GLRB: variants seen among roughly 807,000 people sequenced by gnomAD.
GLRB encodes glycine receptor beta.
Under a neutral mutation model 54.2 loss-of-function variants are expected in GLRB, and 33 were observed. The ratio of observed to expected loss-of-function variants is 0.61; its 90% confidence interval spans 0.46 to 0.81. The LOEUF is 0.81. Among genes scored for constraint, GLRB ranks in the 40% least tolerant of loss-of-function variants. The probability of loss-of-function intolerance (pLI) is 0.00; values close to 1 mark genes in which losing one functional copy is unlikely to be tolerated. For synonymous variants in GLRB, 209 were observed against 208.2 expected, an observed-to-expected ratio of 1.00 and a Z score of -0.03; for missense variants, 572 against 584.6, an observed-to-expected ratio of 0.98 and a Z score of 0.22.
chr4:157,143,369 G>A (rs958832039), intron 7 of GLRB, among the ~76,000 whole-genome samples: 4 of 151,602 alleles, frequency 2.6e-5, no homozygotes, highest in African/African-American at 9.7e-5. Context: ...GGTACATATG[G>A]CTGAAAAATT....
At chr4:157,150,638 G>C (rs548420273) in intron 8 of GLRB, among the ~76,000 whole-genome samples, 2 of 151,852 alleles carry the variant, frequency 1.3e-5, no homozygotes, top group African/African-American at 2.4e-5. Context: ...CATGATCATC[G>C]GTTCTTTGTT....
At chr4:157,138,310 G>A (rs921764367) in intron 6 of GLRB, among the ~76,000 whole-genome samples, 6 of 152,116 alleles carry the variant, frequency 3.9e-5, no homozygotes, top group Admixed American at 2.0e-4. Context: ...TCCTGACCTC[G>A]TGATCCACCC....
At chr4:157,165,385 T>G (rs1416640543) in intron 9 of GLRB, among the ~76,000 whole-genome samples, 1 of 152,014 alleles carries the variant, frequency 6.6e-6, no homozygotes, top group Non-Finnish European at 1.5e-5. Flanking sequence ...TGCAAACTTT[T>G]GCCAAATAAT....
intron 2 of GLRB, among the ~76,000 whole-genome samples, chr4:157,108,234 T>C (rs775230489): frequency 6.6e-6 from 1 of 152,132 alleles, no homozygotes. Context: ...AGGAGCCATT[T>C]TGACATTCAC....
chr4:157,093,680 G>A (rs942781317), intron 2 of GLRB, among the ~76,000 whole-genome samples: 12 of 150,914 alleles, frequency 8.0e-5, no homozygotes, highest in Admixed American at 5.3e-4. Context: ...GCTTGAACCC[G>A]GGAGGCGGAG....
chr4:157,106,668 A>G (rs1027350144), intron 2 of GLRB, among the ~76,000 whole-genome samples: 1 of 151,874 alleles, frequency 6.6e-6, no homozygotes, highest in Non-Finnish European at 1.5e-5. Context: ...GGTATTTGGA[A>G]CCTGGCACTC....
intron 9 of GLRB, among the ~76,000 whole-genome samples, chr4:157,169,783 G>A (rs1737848834): frequency 1.3e-5 from 2 of 152,040 alleles, no homozygotes; most frequent in Admixed American, 1.3e-4. Flanking sequence ...AATAATCTCT[G>A]TAGCATATGG....
intron 2 of GLRB, among the ~76,000 whole-genome samples, chr4:157,109,487 T>C (rs1735340389): frequency 6.6e-6 from 1 of 152,020 alleles, no homozygotes; most frequent in African/African-American, 2.4e-5. Context: ...AGAATACTTC[T>C]GACAACAGAT....
At chr4:157,118,822 A>T (rs1735699505) in intron 2 of GLRB, among the ~76,000 whole-genome samples, 1 of 151,548 alleles carries the variant, frequency 6.6e-6, no homozygotes, top group Non-Finnish European at 1.5e-5. Context: ...CCTTCATATA[A>T]ATTAATATAA....
intron 2 of GLRB, among the ~76,000 whole-genome samples, chr4:157,097,761 C>G (rs1022940162): frequency 1.3e-5 from 2 of 152,218 alleles, no homozygotes; most frequent in Non-Finnish European, 2.9e-5. Flanking sequence ...TGGCTCACGC[C>G]CGTAATCCCA....
At chr4:157,078,287 A>G in intron 2 of GLRB, 141 bp downstream of exon 2, 8 of 1,426,568 alleles carry the variant, frequency 5.6e-6, no homozygotes, top group Non-Finnish European at 7.5e-6. Flanking sequence ...ACAGAAAATG[A>G]TAGGGTGAGG....
intron 2 of GLRB, among the ~76,000 whole-genome samples, chr4:157,093,754 C>CA (rs70958808): frequency 0.062 from 3,716 of 60,402 alleles, 266 homozygotes; most frequent in African/African-American, 0.15. Context: ...GACTCCATCT[C>CA]AAAAAAAAAA....
chr4:157,090,455 G>A (rs1487602353), intron 2 of GLRB, among the ~76,000 whole-genome samples: 1 of 152,248 alleles, frequency 6.6e-6, no homozygotes, highest in Admixed American at 6.5e-5. Flanking sequence ...TATTGTTTTG[G>A]TTGAAGTACG....
At chr4:157,153,749 G>A (rs1170970906) in intron 9 of GLRB, among the ~76,000 whole-genome samples, 2 of 152,132 alleles carry the variant, frequency 1.3e-5, no homozygotes, top group African/African-American at 4.8e-5. Flanking sequence ...TGGATGGGTG[G>A]ACCAGTCAAC....
At chr4:157,128,222 T>A (rs1031892284) in intron 4 of GLRB, among the ~76,000 whole-genome samples, 4 of 151,900 alleles carry the variant, frequency 2.6e-5, no homozygotes, top group African/African-American at 9.7e-5. Context: ...ATATACTTTA[T>A]TCCTTTGTGT....
intron 4 of GLRB, among the ~76,000 whole-genome samples, chr4:157,132,525 G>A (rs1306605159): frequency 6.6e-6 from 1 of 151,756 alleles, no homozygotes; most frequent in Non-Finnish European, 1.5e-5. Flanking sequence ...AACCCCACCA[G>A]CTTTAAGTTC....
intron 2 of GLRB, among the ~76,000 whole-genome samples, chr4:157,080,951 A>G (rs1419910460): frequency 6.6e-6 from 1 of 152,154 alleles, no homozygotes; most frequent in African/African-American, 2.4e-5. Context: ...ATGTAGGAGA[A>G]ATAAAGGACT....
chr4:157,103,157 C>CA (rs1436563927), intron 2 of GLRB, among the ~76,000 whole-genome samples: 25,668 of 104,394 alleles, frequency 0.25, 2,272 homozygotes, highest in South Asian at 0.36. Context: ...CTCAAAAAAA[C>CA]AAAAAAAAAA....
intron 1 of GLRB, among the ~76,000 whole-genome samples, chr4:157,077,232 TA>T (rs1288045827): frequency 6.6e-6 from 1 of 152,156 alleles, no homozygotes; most frequent in Non-Finnish European, 1.5e-5. Flanking sequence ...AAAATGTTAT[TA>T]AAATATGGCT....
Sources: gnomAD v4.1 joint callset for allele counts (sites outside exome capture counted in the v4.1 genomes callset) on GRCh38, gnomAD v4.1.1 for gene constraint, MANE v1.5 for transcripts, NCBI Gene and HGNC (gene_info 2026-07-23, HGNC 2026-07-21) for gene names.